PRKN: variants seen among roughly 807,000 people sequenced by gnomAD.
PRKN encodes the protein parkin RBR E3 ubiquitin protein ligase, also known as E3 ubiquitin-protein ligase parkin.
In PRKN, 56 loss-of-function variants were observed where a neutral mutation model predicts 59.5. That is an observed-to-expected ratio of 0.94 (90% CI 0.76 to 1.18). The LOEUF is 1.18. PRKN is among the 50% of genes most tolerant of loss of function. The pLI is 0.00. For synonymous variants in PRKN, 250 were observed against 222.1 expected (o/e 1.13, Z -1.12); for missense variants, 657 against 596.4 (o/e 1.10, Z -1.06).
At position 162,288,918 on chromosome 6, in the gene PRKN, T is replaced by C. The variant is rs569812373; in HGVS notation, c.172-26153A>G. 7.9e-5 allele frequency among the ~76,000 whole-genome samples: 12 copies of C among 152,296 alleles called. No homozygotes were observed. In the South Asian group the frequency reaches 8.3e-4, roughly 11 times the overall value. ...GGGCTCTTGAAGCTTAGGTCAGCAG[T>C]ACCATTGTGAAGTCTGTTTTTCACT... On this transcript the variant is annotated intron_variant, in intron 2 of 11. Coordinates refer to ENST00000366898, the MANE Select transcript of PRKN (RefSeq NM_004562.3).
At chr6:162,569,357 C>T in intron 1 of PRKN, 2 of 643,250 alleles carry the variant, frequency 3.1e-6, no homozygotes, top group Non-Finnish European at 3.0e-6. Flanking sequence ...GGCTGCCCTG[C>T]AACAGGCCAT....
At chr6:162,649,327 A>G (rs1275487155) in intron 1 of PRKN, among the ~76,000 whole-genome samples, 1 of 152,206 alleles carries the variant, frequency 6.6e-6, no homozygotes, top group Non-Finnish European at 1.5e-5. Context: ...TAAGGTAACC[A>G]TATAATTCAT....
intron 8 of PRKN, among the ~76,000 whole-genome samples, chr6:161,564,827 C>T (rs1780579982): frequency 6.6e-6 from 1 of 152,188 alleles, no homozygotes; most frequent in South Asian, 2.1e-4. Flanking sequence ...CTTCCCAATT[C>T]CATGACCTCA....
intron 1 of PRKN, among the ~76,000 whole-genome samples, chr6:162,454,801 C>A (rs537854312): frequency 7.9e-5 from 12 of 152,332 alleles, no homozygotes; most frequent in Admixed American, 7.8e-4. Flanking sequence ...CAATCTCCCC[C>A]ACGGTGGCTC....
At chr6:161,873,932 A>T (rs1274882139) in intron 6 of PRKN, among the ~76,000 whole-genome samples, 1 of 121,592 alleles carries the variant, frequency 8.2e-6, no homozygotes, top group African/African-American at 3.7e-5. Context: ...TAAAATATAT[A>T]ATATATATAA....
intron 7 of PRKN, among the ~76,000 whole-genome samples, chr6:161,690,895 A>C (rs1785757639): frequency 6.6e-6 from 1 of 152,126 alleles, no homozygotes; most frequent in Non-Finnish European, 1.5e-5. Context: ...CCATAAACGC[A>C]AGAACCAATT....
intron 7 of PRKN, among the ~76,000 whole-genome samples, chr6:161,760,564 C>T (rs111789718): frequency 0.02 from 2,991 of 151,606 alleles, 69 homozygotes; most frequent in South Asian, 0.071. Flanking sequence ...CGCCGGAAGC[C>T]GTCTAGCAGG....
At position 161,498,833 on chromosome 6, in the gene PRKN, T is replaced by C. The variant is rs2315316; in HGVS notation, c.1083+50021A>G. 6.6e-6 allele frequency among the ~76,000 whole-genome samples: 1 copy of C among 152,232 alleles called. No individual in the cohort carries two copies. Among genetic ancestry groups the C allele is most frequent in the Non-Finnish European group, 1.5e-5 (1 of 68,038 alleles). On this transcript the variant is annotated intron_variant, in intron 9 of 11. Coordinates refer to ENST00000366898, the MANE Select transcript of PRKN (RefSeq NM_004562.3). The surrounding 1 kb of genome is among the most constrained non-coding windows in gnomAD (Gnocchi z 4.2). ...CATCCAGGATATTCTTTGGGAATTC[T>C]AGCGGCTACATTCTATTTTTCAAGT...
chr6:161,381,894 C>CG (rs1786003814), intron 10 of PRKN, among the ~76,000 whole-genome samples: 1 of 151,926 alleles, frequency 6.6e-6, no homozygotes, highest in African/African-American at 2.4e-5. Flanking sequence ...GGGTGGATCA[C>CG]GAGGTCAGGA....
At chr6:162,021,462 T>TA (rs1554261961) in intron 5 of PRKN, among the ~76,000 whole-genome samples, 9,490 of 36,642 alleles carry the variant, frequency 0.26, 332 homozygotes, top group South Asian at 0.42. Context: ...TATATATATA[T>TA]TTTTTTTTTT....
chr6:161,703,324 A>G (rs1475180147), intron 7 of PRKN, among the ~76,000 whole-genome samples: 1 of 152,190 alleles, frequency 6.6e-6, no homozygotes, highest in Non-Finnish European at 1.5e-5. Context: ...AACAAAGGAT[A>G]AAACAGACAT....
chr6:161,800,265 A>T (rs534677843), intron 6 of PRKN, among the ~76,000 whole-genome samples: 1 of 152,090 alleles, frequency 6.6e-6, no homozygotes, highest in Non-Finnish European at 1.5e-5. Flanking sequence ...GTTTGGGGCA[A>T]TCGAGTGCTT....
chr6:161,680,761 ATATATATATATATAT>A (rs1316151020), intron 7 of PRKN, among the ~76,000 whole-genome samples: 22 of 9,880 alleles, frequency 2.2e-3, no homozygotes, highest in African/African-American at 6.2e-3. Flanking sequence ...ATATATATAT[ATATATATATATATAT>A]TTTTTTTTTT....
intron 1 of PRKN, among the ~76,000 whole-genome samples, chr6:162,578,215 T>C (rs1168628686): frequency 1.3e-5 from 2 of 152,080 alleles, no homozygotes; most frequent in East Asian, 3.8e-4. Context: ...TGGTACTGAG[T>C]GAAAAACATG....
chr6:162,208,898 T>C (rs1292878156), intron 3 of PRKN, among the ~76,000 whole-genome samples: 2 of 152,136 alleles, frequency 1.3e-5, no homozygotes, highest in African/African-American at 4.8e-5. Flanking sequence ...TAGCCATATG[T>C]AGAAAGCTGA....
Position 161,349,733 on chromosome 6 carries a change from A to T in PRKN, c.*366T>A. 2 of 381,804 alleles carry T rather than the reference A, an allele frequency of 5.2e-6. No individual in the cohort carries two copies. Among genetic ancestry groups the T allele is most frequent in the Non-Finnish European group, 4.9e-6 (1 of 206,170 alleles). 23.7% of individuals were successfully genotyped at this position (381,804 alleles called of 1,614,324 possible). On this transcript the variant is annotated 3_prime_UTR_variant, in exon 12 of 12. Transcript: ENST00000366898. The surrounding 1 kb of genome is among the most constrained non-coding windows in gnomAD (Gnocchi z 5.5). ...TACTGATTCTGCCTGTCTCGAATTCAGGTGAGAATGACCCATACAGATACA... is the reference window on the plus strand; with the variant it reads ...TACTGATTCTGCCTGTCTCGAATTCTGGTGAGAATGACCCATACAGATACA...
intron 7 of PRKN, among the ~76,000 whole-genome samples, chr6:161,738,005 C>T (rs1354406417): frequency 6.6e-6 from 1 of 152,172 alleles, no homozygotes; most frequent in Non-Finnish European, 1.5e-5. Context: ...ACGAGCCCTC[C>T]TATTTGAACC....
intron 1 of PRKN, among the ~76,000 whole-genome samples, chr6:162,650,634 G>A (rs1420132267): frequency 6.6e-6 from 1 of 151,692 alleles, no homozygotes; most frequent in Non-Finnish European, 1.5e-5. Context: ...TCTGCCTATG[G>A]CTGAAACCTC....
At position 161,865,834 on chromosome 6, in the gene PRKN, A is replaced by G. The variant is rs192121180; in HGVS notation, c.735-79926T>C. ...TTAACATTCACGTGTTCACTGGAGT[A>G]GCACTTTTAATTTCCTTCAAGAGCT... On this transcript the variant is annotated intron_variant, in intron 6 of 11. Coordinates refer to ENST00000366898, the MANE Select transcript of PRKN (RefSeq NM_004562.3). Among the ~76,000 whole-genome samples, 1,564 of 152,276 alleles carry G rather than the reference A, an allele frequency of 0.01. 45 individuals carry two copies. In the East Asian group the frequency reaches 0.11, roughly 10 times the overall value.
Sources: gnomAD v4.1 joint callset for allele counts (sites outside exome capture counted in the v4.1 genomes callset) on GRCh38, gnomAD v4.1.1 for gene constraint, Gnocchi (gnomAD v3.1) non-coding constraint, MANE v1.5 for transcripts, NCBI Gene and HGNC (gene_info 2026-07-23, HGNC 2026-07-21) for gene names.